Variants in TMEM200A observed in about 807,000 individuals in gnomAD.
TMEM200A encodes transmembrane protein 200A, also known as two transmembrane C.
TMEM200A carries 12 observed loss-of-function variants against 24.3 expected under a neutral mutation model. The ratio of observed to expected loss-of-function variants is 0.49; its 90% CI spans 0.32 to 0.80. The LOEUF (loss-of-function observed/expected upper bound fraction) is 0.80. Among genes scored for constraint, TMEM200A ranks in the 30% least tolerant of loss-of-function variants. The pLI, the probability that TMEM200A is intolerant of heterozygous loss-of-function variation, is 0.04. For synonymous variants in TMEM200A, 224 were observed against 224.4 expected (o/e 1.00, Z 0.02); for missense variants, 545 against 614.4 (o/e 0.89, Z 1.19).
chr6:130,376,251 T>C (rs1292909369), intron 1 of TMEM200A, among the ~76,000 whole-genome samples: 1 of 152,212 alleles, frequency 6.6e-6, no homozygotes, highest in Non-Finnish European at 1.5e-5. Flanking sequence ...TGTTATCACA[T>C]TAAATAATTA....
At chr6:130,382,142 T>C (rs1778613777) in intron 1 of TMEM200A, among the ~76,000 whole-genome samples, 1 of 152,156 alleles carries the variant, frequency 6.6e-6, no homozygotes, top group Non-Finnish European at 1.5e-5. Flanking sequence ...CTATGAAACC[T>C]TGGGCAAATT....
chr6:130,389,317 G>A (rs1189610321), intron 2 of TMEM200A, among the ~76,000 whole-genome samples: 1 of 152,146 alleles, frequency 6.6e-6, no homozygotes, highest in Non-Finnish European at 1.5e-5. Context: ...CCAGCCCTGG[G>A]CACTCCCTCC....
intron 2 of TMEM200A, among the ~76,000 whole-genome samples, chr6:130,419,294 C>A (rs1276583668): frequency 6.6e-6 from 1 of 152,126 alleles, no homozygotes; most frequent in Non-Finnish European, 1.5e-5. Context: ...TGTGTATATA[C>A]CATGTTTTCC....
chr6:130,370,630 C>A (rs1393706303), intron 1 of TMEM200A, among the ~76,000 whole-genome samples: 1 of 152,160 alleles, frequency 6.6e-6, no homozygotes, highest in Non-Finnish European at 1.5e-5. Flanking sequence ...TGGGACCTTT[C>A]TCCCAAGCAA....
intron 2 of TMEM200A, among the ~76,000 whole-genome samples, chr6:130,412,397 T>C (rs1779353497): frequency 6.6e-6 from 1 of 152,120 alleles, no homozygotes; most frequent in African/African-American, 2.4e-5. Flanking sequence ...GGCTGTGCTC[T>C]GCATTGCCAC....
intron 2 of TMEM200A, among the ~76,000 whole-genome samples, chr6:130,432,801 G>T (rs1041436693): frequency 6.6e-6 from 1 of 152,118 alleles, no homozygotes; most frequent in African/African-American, 2.4e-5. Context: ...ACTGTGCTTT[G>T]CATTTATTAT....
At chr6:130,411,262 T>C (rs531833926) in intron 2 of TMEM200A, among the ~76,000 whole-genome samples, 17 of 152,272 alleles carry the variant, frequency 1.1e-4, no homozygotes, top group Middle Eastern at 6.8e-3. Context: ...TCTTAGCTTA[T>C]GGGGTGCTAA....
chr6:130,398,993 A>G (rs1779020183), intron 2 of TMEM200A, among the ~76,000 whole-genome samples: 1 of 151,984 alleles, frequency 6.6e-6, no homozygotes, highest in African/African-American at 2.4e-5. Flanking sequence ...GAGTGTAAAC[A>G]CAATCTTAGT....
At chr6:130,438,078 A>C (rs530215189) in intron 2 of TMEM200A, 1 of 152,204 alleles carries the variant, frequency 6.6e-6, no homozygotes, top group African/African-American at 2.4e-5. Context: ...TATCTAATCT[A>C]AGCATTTAAT....
intron 2 of TMEM200A, among the ~76,000 whole-genome samples, chr6:130,412,134 ATCT>A (rs948197323): frequency 3.5e-5 from 5 of 143,378 alleles, no homozygotes; most frequent in African/African-American, 1.3e-4. Context: ...TTGTGAGCTC[ATCT>A]TGTCCTTTTC....
At chr6:130,435,281 C>G (rs73626764) in intron 2 of TMEM200A, among the ~76,000 whole-genome samples, 2,626 of 152,194 alleles carry the variant, frequency 0.017, 73 homozygotes, top group African/African-American at 0.056. Flanking sequence ...CCATCGCACC[C>G]AGCCCATATT....
chr6:130,435,896 A>G (rs1005629912), intron 2 of TMEM200A, among the ~76,000 whole-genome samples: 25 of 152,302 alleles, frequency 1.6e-4, no homozygotes, highest in African/African-American at 4.1e-4. Context: ...CACTGAAGGG[A>G]TATGGACAGG....
At chr6:130,398,254 G>C (rs933990517) in intron 2 of TMEM200A, among the ~76,000 whole-genome samples, 2 of 152,014 alleles carry the variant, frequency 1.3e-5, no homozygotes, top group African/African-American at 4.8e-5. Flanking sequence ...GTTCTCTCAG[G>C]TTAATGGCCT....
rs1237046714 is a variant in TMEM200A at position 130,366,276 on chromosome 6, G to A, written c.-329G>A. On this transcript the variant is annotated 5_prime_UTR_variant, in exon 1 of 3. Coordinates refer to ENST00000296978, the MANE Select transcript of TMEM200A (RefSeq NM_001258277.2). The surrounding 1 kb of genome is among the most constrained non-coding windows in gnomAD (Gnocchi z 4.4). ...GGGCATAGGGGCGCCCCCACCCTCC[G>A]TCCGCTTGCACCCCTTGCCACCCGC... 11 of 944,910 alleles carry A rather than the reference G, an allele frequency of 1.2e-5. No homozygotes were observed. The South Asian group carries it at 4.0e-4, about 35-fold the overall frequency. The allele number at this position is 944,910 out of a possible 1,614,324, so 58.5% of individuals were successfully genotyped here. A position where few individuals can be genotyped will look rare whatever the true frequency, so the allele number is the denominator to read the frequency against.
intron 2 of TMEM200A, among the ~76,000 whole-genome samples, chr6:130,423,593 A>ATACTT (rs773875945): frequency 2.5e-4 from 38 of 152,278 alleles, no homozygotes; most frequent in Non-Finnish European, 5.0e-4. Flanking sequence ...TTTCCATGTG[A>ATACTT]TACTTTAGGA....
At position 130,393,565 on chromosome 6, in the gene TMEM200A, G is replaced by A. The variant is rs1448107157; in HGVS notation, c.-17+8329G>A. On this transcript the variant is annotated intron_variant, in intron 2 of 2. Coordinates refer to ENST00000296978, the MANE Select transcript of TMEM200A (RefSeq NM_001258277.2). ...AGCAAAGATCATGTTCATGGGGTCC[G>A]AATGGGTTGGGATCACGTTGCTTCA... Among the ~76,000 whole-genome samples the A allele has an allele frequency of 2.6e-5, 4 of 152,162 alleles. No homozygotes were observed. The South Asian group carries it at 6.2e-4, about 24-fold the overall frequency.
intron 1 of TMEM200A, among the ~76,000 whole-genome samples, chr6:130,377,609 T>C (rs1778491969): frequency 6.6e-6 from 1 of 152,216 alleles, no homozygotes; most frequent in Non-Finnish European, 1.5e-5. Context: ...CAAGTCCTCC[T>C]GCAGTTTTGG....
intron 2 of TMEM200A, among the ~76,000 whole-genome samples, chr6:130,416,305 T>C (rs542025896): frequency 3.3e-5 from 5 of 151,786 alleles, no homozygotes; most frequent in East Asian, 2.0e-4. Context: ...GTTTTGATTA[T>C]AGGATGGATT....
At chr6:130,386,210 T>C (rs986484192) in intron 2 of TMEM200A, among the ~76,000 whole-genome samples, 1 of 152,174 alleles carries the variant, frequency 6.6e-6, no homozygotes, top group African/African-American at 2.4e-5. Context: ...TCCAGGAGCT[T>C]GAACAGGGAC....
Sources: gnomAD v4.1 joint callset for allele counts (sites outside exome capture counted in the v4.1 genomes callset) on GRCh38, gnomAD v4.1.1 for gene constraint, Gnocchi (gnomAD v3.1) non-coding constraint, MANE v1.5 for transcripts, NCBI Gene and HGNC (gene_info 2026-07-23, HGNC 2026-07-21) for gene names.